The following PFKP variants were observed in gnomAD, a reference collection of about 807,000 sequenced individuals.
PFKP encodes the protein phosphofructokinase, platelet.
A neutral mutation model predicts 94.3 loss-of-function variants in PFKP; 101 were observed. The observed-to-expected ratio is 1.07, with a 90% CI of 0.91 to 1.26. The LOEUF is 1.26. PFKP is among the 50% of genes most tolerant of loss of function. The pLI, the probability that PFKP is intolerant of heterozygous loss-of-function variation, is 0.00. For missense variants in PFKP, 1,145 were observed against 1,103.3 expected (o/e 1.04, Z -0.53); for synonymous variants, 573 against 432.6 (o/e 1.32, Z -4.03).
intron 1 of PFKP, chr10:3,069,360 C>A (rs1832007826): frequency 6.3e-7 from 1 of 1,589,968 alleles, no homozygotes; most frequent in Non-Finnish European, 8.6e-7. Context: ...GCCTGGCCCG[C>A]GTGACTTAAA....
At chr10:3,100,521 C>T (rs117408702) in intron 3 of PFKP, among the ~76,000 whole-genome samples, 6 of 152,076 alleles carry the variant, frequency 3.9e-5, no homozygotes, top group Non-Finnish European at 8.8e-5. Flanking sequence ...ATTGGTGTAT[C>T]GAAACACGCA....
At position 3,079,662 on chromosome 10, in the gene PFKP, TGGG is replaced by T. The variant is rs57588432; in HGVS notation, c.113-2716_113-2714del. 1.9e-4 allele frequency among the ~76,000 whole-genome samples: 13 copies of T among 67,820 alleles called. 3 individuals are homozygous for T. The highest frequency in any genetic ancestry group is 1.3e-3 in the Admixed American group (8 of 6,360). 44.5% of individuals were successfully genotyped at this position (67,820 alleles called of 152,430 possible). On this transcript the variant is annotated intron_variant, in intron 1 of 21. Transcript: ENST00000381125. ...GGAACGAGGTCTTCAGAGAGCGGGG[TGGG>T]GGGGGGGGGAAGAGGAGCAGGGGTG...
chr10:3,136,586 C>A lies in PFKP; in HGVS notation c.*7C>A. Reference sequence around the variant, plus strand: ...GCAGCCCTGGAGTGTCTGACCCAGTCCCGCCTGCATGTGCCTGCAGCCACC... The same window carrying A: ...GCAGCCCTGGAGTGTCTGACCCAGTACCGCCTGCATGTGCCTGCAGCCACC... On this transcript the variant is annotated 3_prime_UTR_variant, in exon 22 of 22. Coordinates refer to ENST00000381125, the MANE Select transcript of PFKP (RefSeq NM_002627.5). 1 of 1,612,832 alleles carries A rather than the reference C, an allele frequency of 6.2e-7. No homozygotes were observed. Among genetic ancestry groups the A allele is most frequent in the South Asian group, 1.1e-5 (1 of 90,878 alleles).
At chr10:3,070,634 G>A (rs1832109746) in intron 1 of PFKP, among the ~76,000 whole-genome samples, 2 of 152,200 alleles carry the variant, frequency 1.3e-5, no homozygotes, top group South Asian at 4.1e-4. Context: ...TGGAAGTGGG[G>A]AGAAAGACTC....
chr10:3,123,688 T>A (rs966946805), intron 16 of PFKP, among the ~76,000 whole-genome samples: 1 of 152,224 alleles, frequency 6.6e-6, no homozygotes, highest in African/African-American at 2.4e-5. Flanking sequence ...ATCACCTGTC[T>A]GAAAAGCATA....
At position 3,119,896 on chromosome 10, in the gene PFKP, A is replaced by C. The variant is rs1279637546; in HGVS notation, c.1535A>C (p.Tyr512Ser). Residue 512 changes from tyrosine to serine, a missense_variant, in exon 16 of 22, where the codon TAC becomes TCC. Transcript: ENST00000381125. ...ACTCCCACGCTTGTCTGACAGGCCT[A>C]CCTGGGACTCCTGGAGCTGTCAGCC... ...ALLIIGGFEAYLGLLELSAAR... is the reference protein window; with the variant it reads ...ALLIIGGFEASLGLLELSAAR... 1.2e-6 allele frequency: 2 copies of C among 1,613,918 alleles called. No homozygotes were observed. The highest frequency in any genetic ancestry group is 1.7e-4 in the Middle Eastern group (1 of 6,060).
intron 20 of PFKP, among the ~76,000 whole-genome samples, chr10:3,135,252 C>T (rs1364726739): frequency 6.6e-6 from 1 of 152,132 alleles, no homozygotes; most frequent in South Asian, 2.1e-4. Context: ...CGGCAAACCA[C>T]TATCACTGCC....
In PFKP at chr10:3,134,475, AC is replaced by A. The variant is rs758570567; in HGVS notation, c.2023-6del. On this transcript the variant is annotated splice_polypyrimidine_tract_variant and splice_region_variant and intron_variant, in intron 19 of 21. Coordinates refer to ENST00000381125, the MANE Select transcript of PFKP (RefSeq NM_002627.5). ...ACTGGTATTTCATATAACTCTAACC[AC>A]CAACAGGGTGGGGCACCCTCTCCAT... The A allele has an allele frequency of 1.9e-6, 3 of 1,565,520 alleles. No homozygotes were observed. In the African/African-American group the frequency reaches 4.1e-5, roughly 21 times the overall value.
In PFKP at chr10:3,124,385, A is replaced by C. The variant is rs74962580; in HGVS notation, c.1683+4341A>C. On this transcript the variant is annotated intron_variant, in intron 16 of 21. Transcript: ENST00000381125. The stretch of plus-strand genomic sequence containing the variant: ...GTTAACACCCTGAGGTGGAGTCTGA[A>C]AAACCCCGGTGTACACGGGCTCAAG... Among the ~76,000 whole-genome samples the C allele has an allele frequency of 1.5e-3, 223 of 152,334 alleles. 2 individuals carry two copies. The highest frequency in any genetic ancestry group is 5.2e-3 in the African/African-American group (215 of 41,574).
Position 3,136,692 on chromosome 10 carries a change from CG to C in PFKP, c.*114del. On this transcript the variant is annotated 3_prime_UTR_variant, in exon 22 of 22. Transcript: ENST00000381125. Reference sequence around the variant, plus strand: ...ATTATTGACATTAATACCTAATCGGCGAGTGCCCATCTGCCCCACCTGCTCC... The same window carrying C: ...ATTATTGACATTAATACCTAATCGGCAGTGCCCATCTGCCCCACCTGCTCC... 3.4e-6 allele frequency: 4 copies of C among 1,162,000 alleles called. No individual in the cohort carries two copies. Among genetic ancestry groups the C allele is most frequent in the Non-Finnish European group, 4.9e-6 (4 of 821,204 alleles). The allele number at this position is 1,162,000 out of a possible 1,614,324, so 72.0% of individuals were successfully genotyped here.
chr10:3,072,347 T>C lies in PFKP; in HGVS notation c.112+4640T>C, dbSNP rs115385364. Among the ~76,000 whole-genome samples the C allele has an allele frequency of 2.8e-3, 421 of 152,354 alleles. 4 individuals carry two copies. Among genetic ancestry groups the C allele is most frequent in the African/African-American group, 9.0e-3 (376 of 41,580 alleles). ...AGGCTTGAGCCCCACATGGGCACCT[T>C]TGGTGTCTGAAGCAATGCTGGCTTC... On this transcript the variant is annotated intron_variant, in intron 1 of 21. Transcript: ENST00000381125.
At chr10:3,128,284 C>T (rs1393963327) in intron 16 of PFKP, among the ~76,000 whole-genome samples, 1 of 152,212 alleles carries the variant, frequency 6.6e-6, no homozygotes, top group Non-Finnish European at 1.5e-5. Flanking sequence ...CAAATAACCA[C>T]AAGGTAACTG....
At position 3,136,667 on chromosome 10, in the gene PFKP, A is replaced by AAAGTGC; in HGVS notation, c.*88_*89insAAGTGC. On this transcript the variant is annotated 3_prime_UTR_variant, in exon 22 of 22. Transcript: ENST00000381125. ...TATTTTATCAGCACTTTATGCACGT[A>AAAGTGC]TTATTGACATTAATACCTAATCGGC... 1 of 1,411,372 alleles carries AAAGTGC rather than the reference A, an allele frequency of 7.1e-7. No homozygotes were observed. Among genetic ancestry groups the AAAGTGC allele is most frequent in the Non-Finnish European group, 9.8e-7 (1 of 1,023,094 alleles). The allele number at this position is 1,411,372 out of a possible 1,614,324, so 87.4% of individuals were successfully genotyped here.
intron 13 of PFKP, among the ~76,000 whole-genome samples, chr10:3,113,774 G>A (rs1374451179): frequency 6.6e-6 from 1 of 152,022 alleles, no homozygotes; most frequent in Admixed American, 6.6e-5. Context: ...GTGCCTCTGG[G>A]GTCTGATGGC....
chr10:3,114,920 G>A (rs956547649), intron 13 of PFKP, among the ~76,000 whole-genome samples: 2 of 152,202 alleles, frequency 1.3e-5, no homozygotes, highest in African/African-American at 4.8e-5. Flanking sequence ...TGTTCACTGA[G>A]GCAGGAGGCA....
chr10:3,135,064 T>C (rs1377255307), intron 20 of PFKP, among the ~76,000 whole-genome samples: 1 of 152,220 alleles, frequency 6.6e-6, no homozygotes, highest in Non-Finnish European at 1.5e-5. Context: ...AGTTACATAT[T>C]CTAAGAAATC....
At chr10:3,133,175 C>A in intron 18 of PFKP, 28 bp from the exon 19 acceptor site, 1 of 1,572,268 alleles carries the variant, frequency 6.4e-7, no homozygotes, top group Non-Finnish European at 8.8e-7. Flanking sequence ...GCACGCTAAA[C>A]AAAGTGACTC....
intron 3 of PFKP, 21 bp downstream of exon 3, chr10:3,099,373 A>G (rs200259788): frequency 4.9e-5 from 78 of 1,594,938 alleles, no homozygotes; most frequent in Middle Eastern, 1.7e-4. Flanking sequence ...GGCTGCGTCC[A>G]CAGGGTTCTC....
chr10:3,111,014 TTC>T (rs976107961), intron 10 of PFKP, among the ~76,000 whole-genome samples: 77 of 150,940 alleles, frequency 5.1e-4, no homozygotes, highest in African/African-American at 1.8e-3. Flanking sequence ...GGTAGTATGT[TTC>T]TGCATGTTAG....
Sources: gnomAD v4.1 joint callset for allele counts (sites outside exome capture counted in the v4.1 genomes callset) on GRCh38, gnomAD v4.1.1 for gene constraint, MANE v1.5 for transcripts, NCBI Gene and HGNC (gene_info 2026-07-23, HGNC 2026-07-21) for gene names.